The following PAM variants were observed in gnomAD, a reference collection of about 807,000 sequenced individuals.
The protein encoded by PAM is peptidylglycine alpha-amidating monooxygenase, also known as peptidyl-glycine alpha-amidating monooxygenase.
In PAM, 72 loss-of-function variants were observed where a neutral mutation model predicts 122.1. The observed-to-expected ratio is 0.59, with a 90% CI of 0.49 to 0.72. The LOEUF (loss-of-function observed/expected upper bound fraction) is 0.72, where lower values mean the gene tolerates loss of function less well. Among genes scored for constraint, PAM ranks in the 30% least tolerant of loss-of-function variants. PAM has a pLI of 0.00. For missense variants in PAM, 1,106 were observed against 1,183.7 expected (o/e 0.93, Z 0.96); for synonymous variants, 389 against 404.4 (o/e 0.96, Z 0.46).
chr5:102,788,370 T>C (rs1482677421), intron 1 of PAM, among the ~76,000 whole-genome samples: 1 of 152,144 alleles, frequency 6.6e-6, no homozygotes, highest in African/African-American at 2.4e-5. Context: ...AGAAAGACTT[T>C]AATAGCTTTG....
At chr5:102,919,056 A>G (rs2151637451) in intron 5 of PAM, among the ~76,000 whole-genome samples, 1 of 152,274 alleles carries the variant, frequency 6.6e-6, no homozygotes, top group African/African-American at 2.4e-5. Flanking sequence ...AAAAAATCCA[A>G]GCTGGTTAAA....
chr5:102,949,488 C>A (rs764060537), intron 9 of PAM, 49 bp from the exon 10 acceptor site: 2 of 912,636 alleles, frequency 2.2e-6, no homozygotes, highest in South Asian at 2.6e-5. Context: ...AGAATAATGT[C>A]ATTTTCCAGT....
At chr5:102,868,380 T>G (rs1039727947) in intron 3 of PAM, among the ~76,000 whole-genome samples, 3 of 152,230 alleles carry the variant, frequency 2.0e-5, no homozygotes, top group African/African-American at 4.8e-5. Flanking sequence ...TTTTTGGGAC[T>G]AAGAATTGGC....
chr5:103,013,547 A>C (rs1781211417), intron 21 of PAM, among the ~76,000 whole-genome samples: 1 of 152,046 alleles, frequency 6.6e-6, no homozygotes. Context: ...GATGTCCTTT[A>C]TTTCTTTTTC....
chr5:102,900,459 AC>A (rs925121282), intron 3 of PAM, among the ~76,000 whole-genome samples: 4 of 151,238 alleles, frequency 2.6e-5, no homozygotes, highest in Non-Finnish European at 5.9e-5. Flanking sequence ...GTGTACTTGA[AC>A]CCCCTTGTTT....
chr5:102,918,219 C>T (rs1041204110), intron 5 of PAM, among the ~76,000 whole-genome samples: 1 of 152,058 alleles, frequency 6.6e-6, no homozygotes, highest in African/African-American at 2.4e-5. Flanking sequence ...TCTTCCCAGG[C>T]GTTTGGAGGA....
chr5:102,991,953 T>A (rs1774210544), intron 16 of PAM, among the ~76,000 whole-genome samples: 1 of 152,180 alleles, frequency 6.6e-6, no homozygotes, highest in African/African-American at 2.4e-5. Flanking sequence ...TGATACTGTT[T>A]CAGCTGACTA....
chr5:103,014,555 A>T (rs1202880333), intron 21 of PAM, among the ~76,000 whole-genome samples: 1 of 152,232 alleles, frequency 6.6e-6, no homozygotes, highest in Non-Finnish European at 1.5e-5. Flanking sequence ...GAAGGAAATA[A>T]TATGGTCTGT....
At chr5:102,888,285 C>G (rs1793767030) in intron 3 of PAM, among the ~76,000 whole-genome samples, 3 of 152,066 alleles carry the variant, frequency 2.0e-5, no homozygotes, top group African/African-American at 7.2e-5. Flanking sequence ...CTGGTCTGTT[C>G]CAGCTCCATT....
chr5:102,947,208 G>A (rs955175305), intron 8 of PAM, among the ~76,000 whole-genome samples: 1 of 151,754 alleles, frequency 6.6e-6, no homozygotes, highest in African/African-American at 2.4e-5. Flanking sequence ...AGTGTTGGCT[G>A]GAGGTCGCCC....
At chr5:102,884,606 T>G (rs1384998862) in intron 3 of PAM, among the ~76,000 whole-genome samples, 3 of 151,946 alleles carry the variant, frequency 2.0e-5, no homozygotes, top group African/African-American at 7.2e-5. Flanking sequence ...AAATTCTCTT[T>G]GTTTCACTTA....
At chr5:102,824,290 C>T (rs1235619258) in intron 1 of PAM, among the ~76,000 whole-genome samples, 6 of 152,198 alleles carry the variant, frequency 3.9e-5, no homozygotes, top group African/African-American at 1.4e-4. Flanking sequence ...GTTCTGCGAA[C>T]ATTTCTAAAT....
intron 1 of PAM, among the ~76,000 whole-genome samples, chr5:102,834,645 A>G (rs1182270015): frequency 6.6e-6 from 1 of 152,140 alleles, no homozygotes; most frequent in African/African-American, 2.4e-5. Context: ...AGGAAACCAC[A>G]TGGATACATT....
chr5:103,002,588 TTATTA>T (rs1777730175), intron 16 of PAM, among the ~76,000 whole-genome samples: 2 of 152,188 alleles, frequency 1.3e-5, no homozygotes, highest in African/African-American at 4.8e-5. Flanking sequence ...CTTCCAGCTA[TTATTA>T]TAATTAATGA....
At chr5:102,890,708 A>G (rs938093678) in intron 3 of PAM, among the ~76,000 whole-genome samples, 3 of 151,954 alleles carry the variant, frequency 2.0e-5, no homozygotes, top group Admixed American at 6.6e-5. Context: ...ATAAGAAAAT[A>G]AAGCCGATTT....
chr5:102,759,788 C>A (rs1186565082), intron 1 of PAM, among the ~76,000 whole-genome samples: 2 of 151,998 alleles, frequency 1.3e-5, no homozygotes, highest in Non-Finnish European at 2.9e-5. Flanking sequence ...GAGGGGTGGC[C>A]TAATTCTAAG....
chr5:102,867,418 A>G (rs755345474), intron 3 of PAM, 25 bp downstream of exon 3: 48 of 1,578,936 alleles, frequency 3.0e-5, no homozygotes, highest in Non-Finnish European at 3.8e-5. Context: ...GTCTTTCATT[A>G]TTCACTTGTT....
intron 3 of PAM, among the ~76,000 whole-genome samples, chr5:102,871,699 TAA>T (rs1323768629): frequency 6.8e-6 from 1 of 147,074 alleles, no homozygotes; most frequent in Non-Finnish European, 1.5e-5. Context: ...TATATATATA[TAA>T]AATATATATA....
intron 1 of PAM, among the ~76,000 whole-genome samples, chr5:102,822,807 C>T (rs1772395195): frequency 1.3e-5 from 2 of 152,034 alleles, no homozygotes; most frequent in Non-Finnish European, 2.9e-5. Context: ...ATTGGAGATC[C>T]TGGGTGAGGA....
Sources: allele counts gnomAD v4.1 joint callset (sites outside exome capture counted in the v4.1 genomes callset), GRCh38; gene constraint gnomAD v4.1.1; transcripts MANE v1.5; gene names NCBI Gene and HGNC (gene_info 2026-07-23, HGNC 2026-07-21).